Variants in SLC30A8 observed in about 807,000 individuals in gnomAD.
SLC30A8 encodes proton-coupled zinc antiporter SLC30A8.
Under a neutral mutation model 36.9 loss-of-function variants are expected in SLC30A8, and 27 were observed. The ratio of observed to expected loss-of-function variants is 0.73; its 90% CI spans 0.54 to 1.01. The LOEUF is 1.01. Among genes scored for constraint, SLC30A8 ranks in the 50% least tolerant of loss-of-function variants. The probability of loss-of-function intolerance (pLI) is 0.00; values close to 1 mark genes in which losing one functional copy is unlikely to be tolerated. For missense variants in SLC30A8, 439 were observed against 452.0 expected (o/e 0.97, Z 0.26); for synonymous variants, 164 against 172.4 (o/e 0.95, Z 0.38).
intron 1 of SLC30A8, among the ~76,000 whole-genome samples, chr8:116,996,121 C>G (rs1378692343): frequency 6.6e-6 from 1 of 152,206 alleles, no homozygotes; most frequent in Non-Finnish European, 1.5e-5. Flanking sequence ...CCTTTACCAT[C>G]CACACCACCA....
Position 117,171,050 on chromosome 8 carries a change from G to A in SLC30A8, c.846G>A (p.Leu282=), listed in dbSNP as rs138791665. The part of the protein sequence containing the change: ...ILLMEGVPKS[L]NYSGVKELIL... ...TTTTGTCAGGTGTGCCAAAGAGCCT[G>A]AATTACAGTGGTGTGAAAGAGCTTA... Residue 282 remains leucine (L), a synonymous_variant, in exon 7 of 8, where the codon CTG becomes CTA. Coordinates refer to ENST00000456015, the MANE Select transcript of SLC30A8 (RefSeq NM_173851.3). 1.9e-6 allele frequency: 3 copies of A among 1,604,296 alleles called. No individual in the cohort carries two copies. Among genetic ancestry groups the A allele is most frequent in the African/African-American group, 2.7e-5 (2 of 74,504 alleles).
intron 1 of SLC30A8, among the ~76,000 whole-genome samples, chr8:117,022,246 A>G (rs559672148): frequency 2.6e-5 from 4 of 152,124 alleles, no homozygotes; most frequent in Non-Finnish European, 4.4e-5. Context: ...GAAAATAGAT[A>G]TATGATCTTG....
chr8:117,133,600 G>A (rs990421845), upstream of SLC30A8, among the ~76,000 whole-genome samples: 9 of 151,744 alleles, frequency 5.9e-5, no homozygotes, highest in Non-Finnish European at 1.3e-4. Flanking sequence ...CTGATTTAAA[G>A]TAGTTTCCTC....
intron 1 of SLC30A8, among the ~76,000 whole-genome samples, chr8:116,995,129 T>C (rs1815773245): frequency 6.6e-6 from 1 of 152,138 alleles, no homozygotes; most frequent in African/African-American, 2.4e-5. Context: ...ATCTCGGCTC[T>C]AAACTGATTC....
At chr8:117,048,566 C>T (rs568586941) in intron 2 of SLC30A8, among the ~76,000 whole-genome samples, 62 of 152,250 alleles carry the variant, frequency 4.1e-4, no homozygotes, top group African/African-American at 1.4e-3. Context: ...ATCACTAGAT[C>T]CTGCTGATTA....
chr8:116,959,994 G>A (rs796489193), intron 1 of SLC30A8, among the ~76,000 whole-genome samples: 18 of 152,288 alleles, frequency 1.2e-4, no homozygotes, highest in African/African-American at 4.3e-4. Context: ...CTTCAACTCA[G>A]AGAGCTTGTC....
intron 1 of SLC30A8, among the ~76,000 whole-genome samples, chr8:117,006,529 C>G (rs1011762487): frequency 6.6e-6 from 1 of 152,112 alleles, no homozygotes; most frequent in African/African-American, 2.4e-5. Context: ...CAGAGGAGTT[C>G]CATTCCTATT....
intron 2 of SLC30A8, among the ~76,000 whole-genome samples, chr8:117,073,608 A>G (rs1768543501): frequency 2.0e-5 from 3 of 152,212 alleles, no homozygotes; most frequent in African/African-American, 7.2e-5. Flanking sequence ...GACTTAAAAT[A>G]GGCCACTATT....
intron 1 of SLC30A8, among the ~76,000 whole-genome samples, chr8:117,034,969 A>C (rs1240987126): frequency 1.3e-5 from 2 of 152,134 alleles, no homozygotes; most frequent in Non-Finnish European, 2.9e-5. Context: ...TGAGAACAGC[A>C]TGGGGGAAAC....
chr8:116,960,261 G>A (rs1310858446), intron 1 of SLC30A8, among the ~76,000 whole-genome samples: 1 of 152,198 alleles, frequency 6.6e-6, no homozygotes, highest in Middle Eastern at 3.2e-3. Context: ...ATGAAGTAAT[G>A]TATCATAGAA....
In SLC30A8 at chr8:117,161,789, A is replaced by G; in HGVS notation, c.624A>G (p.Val208=). 6.2e-7 allele frequency: 1 copy of G among 1,613,974 alleles called. No homozygotes were observed. Among genetic ancestry groups the G allele is most frequent in the South Asian group, 1.1e-5 (1 of 91,086 alleles). The change falls in exon 5 of 8, where the codon GTA becomes GTG. Residue 208 remains valine, a synonymous_variant. Coordinates refer to ENST00000456015, the MANE Select transcript of SLC30A8 (RefSeq NM_173851.3). ...QRCLGHNHKE[V]QANASVRAAF... ...GCCTTGGCCACAATCACAAGGAAGT[A>G]CAAGCCAATGCCAGCGTCAGAGCTG...
intron 2 of SLC30A8, among the ~76,000 whole-genome samples, chr8:117,108,943 T>A (rs549497936): frequency 2.0e-5 from 3 of 152,340 alleles, no homozygotes; most frequent in African/African-American, 7.2e-5. Context: ...TTGGAATACT[T>A]TCTTTCCTTT....
chr8:116,989,389 A>G (rs916884190), intron 1 of SLC30A8, among the ~76,000 whole-genome samples: 3 of 152,230 alleles, frequency 2.0e-5, no homozygotes, highest in African/African-American at 7.2e-5. Flanking sequence ...TTTGTAAAGT[A>G]TATGAAAACA....
In SLC30A8 at chr8:117,153,025, T is replaced by C. The variant is rs753182651; in HGVS notation, c.353T>C (p.Leu118Pro). 8.1e-6 allele frequency: 13 copies of C among 1,613,586 alleles called. No individual in the cohort carries two copies. The South Asian group carries it at 1.2e-4, about 15-fold the overall frequency. ...GACCTGACCAGTTTCCTGCTCAGTC[T>C]CTTCTCCCTGTGGTTGTCATCGAAG... ...LIDLTSFLLS[L>P]FSLWLSSKPP... The change falls in exon 3 of 8, where the codon CTC becomes CCC. Residue 118 changes from leucine (L) to proline (P), a missense_variant. By Grantham distance (98) the Leu-to-Pro change is moderately conservative. Coordinates refer to ENST00000456015, the MANE Select transcript of SLC30A8 (RefSeq NM_173851.3).
chr8:117,086,968 T>C (rs1818902872), intron 2 of SLC30A8, among the ~76,000 whole-genome samples: 1 of 152,192 alleles, frequency 6.6e-6, no homozygotes, highest in South Asian at 2.1e-4. Context: ...TCCCCACCAA[T>C]ATTTTATCTT....
intron 2 of SLC30A8, among the ~76,000 whole-genome samples, chr8:117,061,747 TTGTC>T (rs1220845949): frequency 5.3e-5 from 8 of 152,110 alleles, no homozygotes; most frequent in Non-Finnish European, 7.4e-5. Flanking sequence ...GCTATCAGCT[TTGTC>T]TGTGATCCGG....
intron 2 of SLC30A8, chr8:117,128,625 CAT>C (rs536295426): frequency 9.7e-4 from 148 of 152,148 alleles, no homozygotes; most frequent in African/African-American, 2.8e-3. Flanking sequence ...TTGCTGAGCA[CAT>C]GTGTTACTTT....
chr8:117,136,748 A>T (rs2130936582), intron 1 of SLC30A8, among the ~76,000 whole-genome samples: 1 of 152,116 alleles, frequency 6.6e-6, no homozygotes, highest in South Asian at 2.1e-4. Flanking sequence ...GCATCTCCAC[A>T]TTACTGAAAT....
At chr8:117,090,189 C>T (rs1351901624) in intron 2 of SLC30A8, among the ~76,000 whole-genome samples, 4 of 152,120 alleles carry the variant, frequency 2.6e-5, no homozygotes, top group African/African-American at 7.2e-5. Context: ...GTCTCAAACT[C>T]CTGACCTTGT....
Sources: allele counts gnomAD v4.1 joint callset (sites outside exome capture counted in the v4.1 genomes callset), GRCh38; gene constraint gnomAD v4.1.1; transcripts MANE v1.5; gene names NCBI Gene and HGNC (gene_info 2026-07-23, HGNC 2026-07-21).